The following ANO1 variants were observed in gnomAD, a reference collection of about 807,000 sequenced individuals.
ANO1 encodes anoctamin-1.
ANO1 carries 59 observed loss-of-function variants against 124.0 expected under a neutral mutation model. The observed-to-expected ratio is 0.48, with a 90% CI of 0.39 to 0.59. The LOEUF (loss-of-function observed/expected upper bound fraction) is 0.59. ANO1 is among the 20% of genes least tolerant of loss of function. The pLI, the probability that ANO1 is intolerant of heterozygous loss-of-function variation, is 0.00. For missense variants in ANO1, 1,059 were observed against 1,328.0 expected (o/e 0.80, Z 3.15); for synonymous variants, 529 against 532.0 (o/e 0.99, Z 0.08).
chr11:70,121,965 CCT>C (rs1461741221), intron 8 of ANO1, among the ~76,000 whole-genome samples: 8 of 146,020 alleles, frequency 5.5e-5, no homozygotes, highest in Non-Finnish European at 1.5e-5. Context: ...CACCTCCCCA[CCT>C]CTCTCTGTCT....
chr11:70,092,429 G>A (rs1204493948), intron 2 of ANO1, among the ~76,000 whole-genome samples: 3 of 152,188 alleles, frequency 2.0e-5, no homozygotes, highest in African/African-American at 2.4e-5. Flanking sequence ...GCTGGAGCAC[G>A]CGGGTAGCAG....
At chr11:69,989,194 G>A (rs936181966) in intron 1 of ANO1, among the ~76,000 whole-genome samples, 3 of 152,114 alleles carry the variant, frequency 2.0e-5, no homozygotes, top group African/African-American at 7.2e-5. Context: ...ATTATTTAAG[G>A]TCCTGTAGCT....
intron 1 of ANO1, among the ~76,000 whole-genome samples, chr11:70,030,173 C>T (rs1856976222): frequency 6.6e-6 from 1 of 152,234 alleles, no homozygotes; most frequent in Non-Finnish European, 1.5e-5. Context: ...AAACACTTGG[C>T]CTGAGATGAC....
intron 1 of ANO1, among the ~76,000 whole-genome samples, chr11:70,069,574 G>A (rs1445778623): frequency 3.9e-5 from 6 of 151,906 alleles, no homozygotes; most frequent in Non-Finnish European, 7.4e-5. Flanking sequence ...CCTGATTTCA[G>A]ACGTAATCGT....
chr11:70,029,710 C>T (rs1266956754), intron 1 of ANO1, among the ~76,000 whole-genome samples: 5 of 152,216 alleles, frequency 3.3e-5, no homozygotes, highest in East Asian at 3.9e-4. Context: ...TGTTCTCCCA[C>T]GGTTCTGGAG....
At chr11:70,118,643 G>A (rs1411522410) in intron 8 of ANO1, among the ~76,000 whole-genome samples, 2 of 132,042 alleles carry the variant, frequency 1.5e-5, no homozygotes, top group Non-Finnish European at 3.2e-5. Context: ...ATGGGTGGAC[G>A]GATGAATAGA....
intron 1 of ANO1, among the ~76,000 whole-genome samples, chr11:70,068,493 G>A (rs1857788545): frequency 6.6e-6 from 1 of 152,224 alleles, no homozygotes. Context: ...AGAATAATAA[G>A]TTGTCAGATA....
chr11:70,171,601 C>T (rs2048475611), intron 22 of ANO1, among the ~76,000 whole-genome samples: 1 of 152,164 alleles, frequency 6.6e-6, no homozygotes, highest in Non-Finnish European at 1.5e-5. Context: ...TTTTTCACCC[C>T]GTCACTAAGA....
chr11:70,157,452 G>A (rs2047865414), intron 16 of ANO1, among the ~76,000 whole-genome samples: 1 of 151,962 alleles, frequency 6.6e-6, no homozygotes, highest in African/African-American at 2.4e-5. Context: ...GTCCCAGGGT[G>A]CGCCGGCCCC....
chr11:70,019,513 G>A (rs74584229), intron 1 of ANO1, among the ~76,000 whole-genome samples: 17,650 of 152,004 alleles, frequency 0.12, 1,156 homozygotes, highest in African/African-American at 0.16. Context: ...TGCAGGAGCC[G>A]GCTCACCCAA....
rs532478509 is a variant in ANO1, at chr11:70,163,949, A to G, written c.1950+609A>G. 8.5e-5 allele frequency among the ~76,000 whole-genome samples: 13 copies of G among 152,206 alleles called. No homozygotes were observed. The East Asian group carries it at 1.9e-3, about 23-fold the overall frequency. ...CAAGGAACCATTTCAAAAAAAAAAA[A>G]AAGAAGATGAATTAATGAGGACAAA... On this transcript the variant is annotated intron_variant, in intron 19 of 25. Transcript: ENST00000355303.
intron 12 of ANO1, among the ~76,000 whole-genome samples, chr11:70,151,015 C>T (rs1196135524): frequency 6.6e-6 from 1 of 152,238 alleles, no homozygotes; most frequent in African/African-American, 2.4e-5. Context: ...GGCACAGCAG[C>T]TCACAGGGTA....
At chr11:70,105,521 T>C (rs550096274) in intron 4 of ANO1, among the ~76,000 whole-genome samples, 1 of 152,270 alleles carries the variant, frequency 6.6e-6, no homozygotes, top group Non-Finnish European at 1.5e-5. Context: ...TTCCCACCTA[T>C]GTGGGTCTCA....
intron 1 of ANO1, among the ~76,000 whole-genome samples, chr11:70,059,246 G>A (rs1332223685): frequency 6.6e-6 from 1 of 150,502 alleles, no homozygotes; most frequent in Non-Finnish European, 1.5e-5. Context: ...AGCTACTCAG[G>A]AGGCTGAGGC....
At position 70,132,070 on chromosome 11, in the gene ANO1, G is replaced by A. The variant is rs749290561; in HGVS notation, c.1249G>A (p.Ala417Thr). 3.8e-6 allele frequency: 6 copies of A among 1,593,082 alleles called. No homozygotes were observed. In the South Asian group the frequency reaches 6.8e-5, roughly 18 times the overall value. ...CACGGTCTTCTTCTCTGTCTTCATGGCCCTCTGGGGTAAGCAGGGCTCCAG... is the reference window on the plus strand; with the variant it reads ...CACGGTCTTCTTCTCTGTCTTCATGACCCTCTGGGGTAAGCAGGGCTCCAG... Reference protein sequence around the residue: ...PATVFFSVFMALWAATFMEHW... With the variant: ...PATVFFSVFMTLWAATFMEHW... Residue 417 changes from alanine to threonine, a missense_variant, in exon 11 of 26, where the codon GCC becomes ACC. Physicochemically the swap from Ala to Thr is moderately conservative, Grantham distance 58 (BLOSUM62 0). Transcript: ENST00000355303.
intron 1 of ANO1, among the ~76,000 whole-genome samples, chr11:70,034,595 G>A (rs1304591471): frequency 6.6e-6 from 1 of 152,200 alleles, no homozygotes; most frequent in Non-Finnish European, 1.5e-5. Context: ...TTATTTTGCT[G>A]TTGTAGCCGC....
At chr11:70,032,538 G>GT (rs1274216548) in intron 1 of ANO1, among the ~76,000 whole-genome samples, 7 of 149,970 alleles carry the variant, frequency 4.7e-5, no homozygotes, top group Admixed American at 3.3e-4. Flanking sequence ...GCGGGAGAGG[G>GT]GGGGGGTCTC....
Position 70,157,757 on chromosome 11 carries a change from C to T in ANO1, c.1578+736C>T, listed in dbSNP as rs144056459. Among the ~76,000 whole-genome samples, 179 of 152,066 alleles carry T rather than the reference C, an allele frequency of 1.2e-3. 1 individual carries two copies. Among genetic ancestry groups the T allele is most frequent in the African/African-American group, 4.1e-3 (168 of 41,480 alleles). ...CTGTATTCCCAGCACTTTGGGAGGCCGAGGCAGGAAGATTGCTTGAGCTTA... is the reference window on the plus strand; with the variant it reads ...CTGTATTCCCAGCACTTTGGGAGGCTGAGGCAGGAAGATTGCTTGAGCTTA... On this transcript the variant is annotated intron_variant, in intron 16 of 25. Transcript: ENST00000355303.
rs76649951 is a variant in ANO1 at position 69,999,436 on chromosome 11, T to C, written c.58+13270T>C. Among the ~76,000 whole-genome samples, 578 of 152,302 alleles carry C rather than the reference T, an allele frequency of 3.8e-3. 5 individuals carry two copies. Among genetic ancestry groups the C allele is most frequent in the African/African-American group, 0.013 (560 of 41,564 alleles). On this transcript the variant is annotated intron_variant, in intron 1 of 27. Transcript: ENST00000531349. ...GGGGACGACATTTCGATATGAGATT[T>C]GGGCGGGGACAATGTCCAAACTATA... is the stretch of plus-strand genomic sequence containing the variant.
Sources: gnomAD v4.1 joint callset for allele counts (sites outside exome capture counted in the v4.1 genomes callset) on GRCh38, gnomAD v4.1.1 for gene constraint, MANE v1.5 for transcripts, NCBI Gene and HGNC (gene_info 2026-07-23, HGNC 2026-07-21) for gene names.